The following COL18A1 variants were observed in gnomAD, a reference collection of about 807,000 sequenced individuals.
The protein encoded by COL18A1 is collagen alpha-1(XVIII) chain.
A neutral mutation model predicts 168.0 loss-of-function variants in COL18A1; 133 were observed. The ratio of observed to expected loss-of-function variants is 0.79; its 90% CI spans 0.69 to 0.91. The LOEUF is 0.91. COL18A1 is among the 40% of genes least tolerant of loss of function. COL18A1 has a pLI of 0.00. For missense variants in COL18A1, 2,126 were observed against 1,925.4 expected, an observed-to-expected ratio of 1.10 and a Z score of -1.95; for synonymous variants, 949 against 809.0, an observed-to-expected ratio of 1.17 and a Z score of -2.94.
chr21:45,455,628 T>G (rs1168351496), intron 2 of COL18A1: 46 of 1,613,822 alleles, frequency 2.9e-5, no homozygotes, highest in Non-Finnish European at 3.9e-5. Flanking sequence ...TGGCTTTGGT[T>G]CAATAATGAG....
chr21:45,499,357 G>T (rs1261679047), intron 32 of COL18A1, among the ~76,000 whole-genome samples: 4 of 151,660 alleles, frequency 2.6e-5, no homozygotes, highest in African/African-American at 7.3e-5. Flanking sequence ...CCAGCGACAG[G>T]GAGGTCAGAG....
rs376269287 is a variant in COL18A1 at position 45,494,845 on chromosome 21, C to T, written c.2380-17C>T. 3.7e-6 allele frequency: 6 copies of T among 1,603,744 alleles called. No individual in the cohort carries two copies. In the East Asian group the frequency reaches 9.0e-5, roughly 24 times the overall value. The stretch of plus-strand genomic sequence containing the variant: ...CCAGGGTCTGCCCCACTAAGCCTGG[C>T]CCCCTTCCTCTTGCAGGGTCCATAC... On this transcript the variant is annotated splice_polypyrimidine_tract_variant and intron_variant, in intron 27 of 41. Transcript: ENST00000651438.
At chr21:45,492,646 G>T in intron 23 of COL18A1, 41 bp from the exon 24 acceptor site, 1 of 1,611,340 alleles carries the variant, frequency 6.2e-7, no homozygotes, top group Non-Finnish European at 8.5e-7. Context: ...AGGCGCGAGG[G>T]TGCGTGATGA....
At chr21:45,438,376 ACACACACTCACACACTCAGACCCT>A (rs2034274957) in intron 2 of COL18A1, among the ~76,000 whole-genome samples, 1 of 115,380 alleles carries the variant, frequency 8.7e-6, no homozygotes, top group Non-Finnish European at 1.8e-5. Flanking sequence ...TCCTGCACAC[ACACACACTCACACACTCAGACCCT>A]CACACTCCAG....
chr21:45,433,433 T>C (rs969134808), intron 2 of COL18A1, among the ~76,000 whole-genome samples: 3 of 152,150 alleles, frequency 2.0e-5, no homozygotes, highest in African/African-American at 7.2e-5. Context: ...TGCCTGGTAG[T>C]AGTTCTGTCT....
At chr21:45,502,899 C>T (rs1013141451) in intron 32 of COL18A1, 1 of 152,200 alleles carries the variant, frequency 6.6e-6, no homozygotes, top group African/African-American at 2.4e-5. Context: ...CAGGTGAACT[C>T]TCAGGATGAG....
intron 22 of COL18A1, 70 bp downstream of exon 22, chr21:45,491,384 A>T: frequency 1.4e-6 from 1 of 705,706 alleles, no homozygotes; most frequent in Non-Finnish European, 2.4e-6. Context: ...TCCCTCCCCG[A>T]GCCCCCCCCA....
intron 2 of COL18A1, chr21:45,456,009 C>A (rs1394047766): frequency 1.2e-6 from 2 of 1,612,420 alleles, no homozygotes; most frequent in Admixed American, 1.7e-5. Context: ...CCTTCCAGCA[C>A]CCCCCAGGAG....
chr21:45,420,839 G>A (rs1448837025), intron 2 of COL18A1: 3 of 153,406 alleles, frequency 2.0e-5, no homozygotes, highest in Non-Finnish European at 4.4e-5. Context: ...CGGCTGTGCT[G>A]GGGTGGGGTG....
intron 15 of COL18A1, among the ~76,000 whole-genome samples, chr21:45,483,209 G>A (rs2035960277): frequency 1.3e-5 from 2 of 151,848 alleles, no homozygotes; most frequent in South Asian, 4.2e-4. Context: ...CGTGGCCTGG[G>A]GAGGGCCCTG....
At chr21:45,506,882 TC>T (rs1185834227) in intron 37 of COL18A1, 2 of 194,092 alleles carry the variant, frequency 1.0e-5, no homozygotes, top group Non-Finnish European at 2.2e-5. Context: ...AGACAGTGAA[TC>T]CCACTCCAGT....
intron 2 of COL18A1, among the ~76,000 whole-genome samples, chr21:45,464,399 C>G (rs1227990317): frequency 6.6e-6 from 1 of 152,208 alleles, no homozygotes; most frequent in Non-Finnish European, 1.5e-5. Flanking sequence ...GAGGGTGGAA[C>G]AGAGCTCCTG....
chr21:45,512,459 G>A lies in COL18A1; in HGVS notation c.*61G>A, dbSNP rs1204344782. ...CGGCTCGGAGGAAGCCCCCACCGTG[G>A]GCAGGGAGCGGCCGGCCAGCCCCTG... On this transcript the variant is annotated 3_prime_UTR_variant, in exon 42 of 42. Transcript: ENST00000651438. The A allele has an allele frequency of 1.3e-6, 2 of 1,532,156 alleles. No homozygotes were observed. Among genetic ancestry groups the A allele is most frequent in the African/African-American group, 2.7e-5 (2 of 73,350 alleles). 94.9% of individuals were successfully genotyped at this position (1,532,156 alleles called of 1,614,324 possible). A position where few individuals can be genotyped will look rare whatever the true frequency, so the allele number is the denominator to read the frequency against.
intron 31 of COL18A1, 43 bp from the exon 32 acceptor site, chr21:45,497,556 C>G (rs753363050): frequency 1.3e-6 from 2 of 1,550,874 alleles, no homozygotes; most frequent in South Asian, 1.2e-5. Flanking sequence ...CTGGAGTCCT[C>G]CCTGGCACAT....
intron 37 of COL18A1, chr21:45,506,587 G>C (rs7277335): frequency 0.014 from 2,586 of 180,362 alleles, 37 homozygotes; most frequent in African/African-American, 0.037. Flanking sequence ...GCCCCGGGAA[G>C]GTTTACCTTC....
At chr21:45,428,228 C>T (rs183472695) in intron 2 of COL18A1, among the ~76,000 whole-genome samples, 3 of 152,226 alleles carry the variant, frequency 2.0e-5, no homozygotes, top group African/African-American at 4.8e-5. Flanking sequence ...AGGGTGGCCT[C>T]GGGCCTCAAA....
rs1323850945 is a variant in COL18A1 at position 45,512,906 on chromosome 21, A to AGAT, written c.*510_*512dup. 2 of 196,976 alleles carry AGAT rather than the reference A, an allele frequency of 1.0e-5. No individual in the cohort carries two copies. The highest frequency in any genetic ancestry group is 1.3e-4 in the East Asian group (1 of 7,470). The allele number at this position is 196,976 out of a possible 1,614,324, so 12.2% of individuals were successfully genotyped here. A position where few individuals can be genotyped will look rare whatever the true frequency, so the allele number is the denominator to read the frequency against. ...CCAGGGTGTGTGCTCGCCCTGCGGT[A>AGAT]GATGGGAGGGAGGCTCAGGTCCCTG... On this transcript the variant is annotated 3_prime_UTR_variant, in exon 42 of 42. Transcript: ENST00000651438.
chr21:45,481,849 A>C (rs1005253705), intron 13 of COL18A1, 114 bp from the exon 14 acceptor site: 6 of 773,358 alleles, frequency 7.8e-6, no homozygotes, highest in Non-Finnish European at 1.4e-5. Flanking sequence ...TGTCTGGGGA[A>C]CGTTCTGTGT....
Position 45,450,498 on chromosome 21 carries a change from CT to C in COL18A1, c.107-17743del, listed in dbSNP as rs11285324. Among the ~76,000 whole-genome samples the C allele has an allele frequency of 3.6e-3, 544 of 152,334 alleles. 2 individuals are homozygous for C. The highest frequency in any genetic ancestry group is 0.012 in the African/African-American group (514 of 41,572). ...GCCTTCAGCCCGGAAATGAGCCCCC[CT>C]CTTTGCCCCCTGATGAACCAGTTTC... On this transcript the variant is annotated intron_variant, in intron 2 of 41. Coordinates refer to ENST00000651438, the MANE Select transcript of COL18A1 (RefSeq NM_001379500.1).
Sources: allele counts gnomAD v4.1 joint callset (sites outside exome capture counted in the v4.1 genomes callset), GRCh38; gene constraint gnomAD v4.1.1; transcripts MANE v1.5; gene names NCBI Gene and HGNC (gene_info 2026-07-23, HGNC 2026-07-21).